The following ZFHX4 variants were observed in gnomAD, a reference collection of about 807,000 sequenced individuals.
The protein encoded by ZFHX4 is zinc finger homeobox 4.
A neutral mutation model predicts 267.6 loss-of-function variants in ZFHX4; 56 were observed. That is an observed-to-expected ratio of 0.21 (90% CI 0.17 to 0.26). ZFHX4 has a LOEUF of 0.26. ZFHX4 is among the 10% of genes least tolerant of loss of function. The pLI, the probability that ZFHX4 is intolerant of heterozygous loss-of-function variation, is 1.00. For missense variants in ZFHX4, 4,332 were observed against 4,420.0 expected, an observed-to-expected ratio of 0.98 and a Z score of 0.56; for synonymous variants, 1,778 against 1,665.6, an observed-to-expected ratio of 1.07 and a Z score of -1.64.
At chr8:76,800,658 T>A (rs2131825737) in intron 4 of ZFHX4, among the ~76,000 whole-genome samples, 1 of 152,318 alleles carries the variant, frequency 6.6e-6, no homozygotes, top group African/African-American at 2.4e-5. Context: ...AACAAGCCAA[T>A]CTTAATCAGT....
chr8:76,836,195 T>C (rs1383812019), intron 5 of ZFHX4, among the ~76,000 whole-genome samples: 1 of 152,158 alleles, frequency 6.6e-6, no homozygotes, highest in Non-Finnish European at 1.5e-5. Context: ...ATTTTCAGAT[T>C]GCAATAAATG....
chr8:76,861,848 T>C (rs1488680246), intron 10 of ZFHX4, among the ~76,000 whole-genome samples: 12 of 152,084 alleles, frequency 7.9e-5, no homozygotes, highest in Non-Finnish European at 4.4e-5. Context: ...CTATGAAGTC[T>C]CATGATCATT....
At position 76,782,851 on chromosome 8, in the gene ZFHX4, G is replaced by A. The variant is rs185384292; in HGVS notation, c.3325+4412G>A. ...ATCGTTTTTCATTGCTTGTTAAAAC[G>A]ATTCTTTAACTTTTTAAGGGACTCT... On this transcript the variant is annotated intron_variant, in intron 4 of 10. Transcript: ENST00000651372. Among the ~76,000 whole-genome samples the A allele has an allele frequency of 2.2e-3, 337 of 152,054 alleles. 3 individuals are homozygous for A. The highest frequency in any genetic ancestry group is 7.7e-3 in the African/African-American group (318 of 41,514).
At chr8:76,837,392 G>A (rs1812119688) in intron 5 of ZFHX4, among the ~76,000 whole-genome samples, 1 of 151,926 alleles carries the variant, frequency 6.6e-6, no homozygotes, top group South Asian at 2.1e-4. Context: ...CTTAGCATGG[G>A]AGTCACTGGT....
intron 3 of ZFHX4, among the ~76,000 whole-genome samples, chr8:76,760,118 A>G (rs1585917091): frequency 1.3e-5 from 2 of 152,338 alleles, no homozygotes; most frequent in Middle Eastern, 3.4e-3. Context: ...AGTTCATTAG[A>G]TAAGAAAAAA....
chr8:76,796,079 G>A (rs1810973608), intron 4 of ZFHX4, among the ~76,000 whole-genome samples: 1 of 152,104 alleles, frequency 6.6e-6, no homozygotes, highest in Non-Finnish European at 1.5e-5. Context: ...GTATATTTGG[G>A]GATGGTTGTG....
intron 1 of ZFHX4, among the ~76,000 whole-genome samples, chr8:76,691,950 T>C (rs932237051): frequency 6.6e-5 from 10 of 152,210 alleles, no homozygotes; most frequent in African/African-American, 2.4e-4. Flanking sequence ...AGATATGAAT[T>C]TGGCAATGGA....
intron 3 of ZFHX4, among the ~76,000 whole-genome samples, chr8:76,745,476 T>C (rs1809434967): frequency 6.6e-6 from 1 of 152,174 alleles, no homozygotes; most frequent in African/African-American, 2.4e-5. Flanking sequence ...GTAGGGTAAG[T>C]CTGTACTTAC....
rs760022572 is a variant in ZFHX4, at chr8:76,864,087, G to A, written c.10373G>A (p.Gly3458Glu). 2 of 1,613,750 alleles carry A rather than the reference G, an allele frequency of 1.2e-6. No individual in the cohort carries two copies. Among genetic ancestry groups the A allele is most frequent in the South Asian group, 1.1e-5 (1 of 91,064 alleles). The part of the protein sequence containing the change: ...QCLACDVAIS[G>E]NEALSQHLQS... Reference sequence around the variant, plus strand: ...CTTGCCTGTGATGTGGCTATCAGTGGGAATGAAGCACTTAGCCAACACCTC... The same window carrying A: ...CTTGCCTGTGATGTGGCTATCAGTGAGAATGAAGCACTTAGCCAACACCTC... The change falls in exon 11 of 11, where the codon GGG becomes GAG. Residue 3458 changes from glycine to glutamate, a missense_variant. Physicochemically the swap from Gly to Glu is moderately conservative, Grantham distance 98. Transcript: ENST00000651372.
chr8:76,781,870 C>A (rs1389070867), intron 4 of ZFHX4, among the ~76,000 whole-genome samples: 6 of 151,960 alleles, frequency 3.9e-5, no homozygotes, highest in Admixed American at 3.9e-4. Flanking sequence ...TGGTTCCTAG[C>A]TGGAAAATTG....
intron 1 of ZFHX4, among the ~76,000 whole-genome samples, chr8:76,695,199 G>A (rs1331314670): frequency 6.6e-6 from 1 of 152,146 alleles, no homozygotes. Context: ...CTATGGAAAA[G>A]AATGAGGTCA....
At chr8:76,846,551 G>C (rs546461365) in intron 6 of ZFHX4, among the ~76,000 whole-genome samples, 2 of 151,858 alleles carry the variant, frequency 1.3e-5, no homozygotes, top group African/African-American at 2.4e-5. Context: ...TTACTTTTTT[G>C]ATACAGCATA....
rs755393913 is a variant in ZFHX4, at chr8:76,853,550, C to T, written c.6629C>T (p.Pro2210Leu). 32 of 1,613,684 alleles carry T rather than the reference C, an allele frequency of 2.0e-5. No homozygotes were observed. The East Asian group carries it at 6.9e-4, about 35-fold the overall frequency. ...ITVLEDIRID[P>L]QPTSLEHYKS... ...GTTTTAGAAGATATCAGAATTGATC[C>T]ACAGCCCACCTCTTTAGAACATTAC... Residue 2210 changes from proline (P) to leucine (L), a missense_variant, in exon 10 of 11, where the codon CCA becomes CTA. Coordinates refer to ENST00000651372, the MANE Select transcript of ZFHX4 (RefSeq NM_024721.5).
At chr8:76,703,290 G>A (rs1253744191) in intron 1 of ZFHX4, among the ~76,000 whole-genome samples, 1 of 152,094 alleles carries the variant, frequency 6.6e-6, no homozygotes, top group Non-Finnish European at 1.5e-5. Flanking sequence ...ATTACGCATT[G>A]CAGTGAAAAA....
chr8:76,695,075 G>A (rs74422268), intron 1 of ZFHX4, among the ~76,000 whole-genome samples: 6,270 of 152,062 alleles, frequency 0.041, 424 homozygotes, highest in African/African-American at 0.14. Flanking sequence ...ATTGGGATTA[G>A]CCAACACTGT....
intron 3 of ZFHX4, among the ~76,000 whole-genome samples, chr8:76,749,952 G>A (rs1809570765): frequency 6.6e-6 from 1 of 152,064 alleles, no homozygotes; most frequent in Admixed American, 6.6e-5. Context: ...CTATTTCAAA[G>A]CTATGTTGTA....
At chr8:76,764,051 A>G (rs1167728320) in intron 3 of ZFHX4, among the ~76,000 whole-genome samples, 1 of 152,292 alleles carries the variant, frequency 6.6e-6, no homozygotes, top group East Asian at 1.9e-4. Context: ...GGAATATTGG[A>G]GCATTTAGAC....
At chr8:76,721,097 A>G (rs1262830656) in intron 3 of ZFHX4, among the ~76,000 whole-genome samples, 2 of 152,260 alleles carry the variant, frequency 1.3e-5, no homozygotes, top group African/African-American at 2.4e-5. Flanking sequence ...GGGGACATGT[A>G]TCTCCTGAGG....
intron 4 of ZFHX4, among the ~76,000 whole-genome samples, chr8:76,795,497 G>A (rs1285662162): frequency 2.0e-5 from 3 of 148,852 alleles, no homozygotes; most frequent in African/African-American, 7.4e-5. Flanking sequence ...CTGAAGCCAT[G>A]TAAATTTTAA....
Sources: allele counts gnomAD v4.1 joint callset (sites outside exome capture counted in the v4.1 genomes callset), GRCh38; gene constraint gnomAD v4.1.1; transcripts MANE v1.5; gene names NCBI Gene and HGNC (gene_info 2026-07-23, HGNC 2026-07-21).